Variants in UST observed in about 807,000 individuals in gnomAD.
The protein encoded by UST is uronyl 2-sulfotransferase, also known as chondroitin sulfate 2-O-sulfotransferase.
Under a neutral mutation model 45.6 loss-of-function variants are expected in UST, and 21 were observed. That is an observed-to-expected ratio of 0.46 (90% confidence interval 0.33 to 0.66). UST has a LOEUF of 0.66. UST is among the 30% of genes least tolerant of loss of function. The pLI is 0.02. For missense variants in UST, 463 were observed against 512.4 expected (o/e 0.90, Z 0.93); for synonymous variants, 215 against 200.6 (o/e 1.07, Z -0.61).
chr6:148,851,993 C>T (rs1055764137), intron 1 of UST, among the ~76,000 whole-genome samples: 2 of 152,048 alleles, frequency 1.3e-5, no homozygotes, highest in Non-Finnish European at 2.9e-5. Context: ...GACTTCTTAC[C>T]TTTGTTCAAA....
intron 5 of UST, among the ~76,000 whole-genome samples, chr6:148,977,607 C>A (rs1417504296): frequency 6.6e-6 from 1 of 152,010 alleles, no homozygotes; most frequent in Non-Finnish European, 1.5e-5. Flanking sequence ...AAAAAATTAG[C>A]CGGACGAGGT....
At chr6:149,016,338 C>T (rs1168495341) in intron 5 of UST, among the ~76,000 whole-genome samples, 4 of 152,220 alleles carry the variant, frequency 2.6e-5, no homozygotes, top group Non-Finnish European at 4.4e-5. Flanking sequence ...CCTCCGCCCT[C>T]CCCTCACCAG....
intron 4 of UST, among the ~76,000 whole-genome samples, chr6:148,956,396 T>A (rs900982475): frequency 2.6e-5 from 4 of 152,018 alleles, no homozygotes; most frequent in Non-Finnish European, 4.4e-5. Context: ...ATGAGGAAGA[T>A]GCAAAAGCGG....
chr6:148,839,140 A>G (rs1324922337), intron 1 of UST, among the ~76,000 whole-genome samples: 1 of 152,210 alleles, frequency 6.6e-6, no homozygotes, highest in Non-Finnish European at 1.5e-5. Flanking sequence ...ATTGTTTTGG[A>G]TTAGCCTCTT....
intron 3 of UST, among the ~76,000 whole-genome samples, chr6:148,942,906 A>G (rs1780156885): frequency 6.6e-6 from 1 of 152,220 alleles, no homozygotes; most frequent in Admixed American, 6.5e-5. Flanking sequence ...ATCATTACCA[A>G]TCAGCAAAAA....
chr6:148,871,582 C>T (rs1778561258), intron 1 of UST, among the ~76,000 whole-genome samples: 1 of 152,200 alleles, frequency 6.6e-6, no homozygotes, highest in South Asian at 2.1e-4. Flanking sequence ...TACTTCTTTT[C>T]AACAAACATG....
At chr6:149,012,658 T>G (rs1203103434) in intron 5 of UST, among the ~76,000 whole-genome samples, 5 of 152,334 alleles carry the variant, frequency 3.3e-5, no homozygotes, top group Admixed American at 2.6e-4. Flanking sequence ...CTATAAGAAG[T>G]CCAAAGTTCC....
In UST at chr6:148,918,035, A is replaced by T. The variant is rs140790443; in HGVS notation, c.292-23244A>T. 3.9e-3 allele frequency among the ~76,000 whole-genome samples: 600 copies of T among 152,330 alleles called. 2 individuals are homozygous for T. The highest frequency in any genetic ancestry group is 0.017 in the Middle Eastern group (5 of 294). ...CAAACCACATGTGCCATGCACCAGA[A>T]GGGGCATTGTTGTGACTGAGGCCGG... On this transcript the variant is annotated intron_variant, in intron 2 of 7. Coordinates refer to ENST00000367463, the MANE Select transcript of UST (RefSeq NM_005715.3).
intron 5 of UST, among the ~76,000 whole-genome samples, chr6:148,985,859 T>C (rs188706468): frequency 3.3e-4 from 50 of 152,324 alleles, no homozygotes; most frequent in Non-Finnish European, 4.9e-4. Context: ...AAGGGCTTCT[T>C]CAAGATGCAG....
chr6:148,801,742 GC>G, intron 1 of UST, among the ~76,000 whole-genome samples: 1 of 151,888 alleles, frequency 6.6e-6, no homozygotes, highest in East Asian at 1.9e-4. Context: ...TTTCTTTTTG[GC>G]CCCGGCATAT....
At chr6:148,947,653 T>C (rs535244066) in intron 3 of UST, among the ~76,000 whole-genome samples, 1 of 152,336 alleles carries the variant, frequency 6.6e-6, no homozygotes, top group Admixed American at 6.5e-5. Flanking sequence ...TGTCTCCTCA[T>C]GAGCCTCTCT....
At chr6:148,796,926 C>T (rs1200374446) in intron 1 of UST, among the ~76,000 whole-genome samples, 2 of 151,024 alleles carry the variant, frequency 1.3e-5, no homozygotes, top group African/African-American at 4.9e-5. Context: ...CCTCAGCCTC[C>T]CAAGAAGCTG....
At position 148,906,085 on chromosome 6, in the gene UST, A is replaced by G. The variant is rs551009591; in HGVS notation, c.291+19056A>G. Among the ~76,000 whole-genome samples, 6 of 148,700 alleles carry G rather than the reference A, an allele frequency of 4.0e-5. No homozygotes were observed. The South Asian group carries it at 6.2e-4, about 15-fold the overall frequency. On this transcript the variant is annotated intron_variant, in intron 2 of 7. Coordinates refer to ENST00000367463, the MANE Select transcript of UST (RefSeq NM_005715.3). Reference sequence around the variant, plus strand: ...GGTATCCAGAATGAACTTGTCAGTTACGTAAGCCCCATCCAGCATGATTCC... The same window carrying G: ...GGTATCCAGAATGAACTTGTCAGTTGCGTAAGCCCCATCCAGCATGATTCC...
chr6:148,877,660 CG>C (rs1778708625), intron 1 of UST, among the ~76,000 whole-genome samples: 1 of 35,950 alleles, frequency 2.8e-5, no homozygotes, highest in African/African-American at 1.3e-4. Context: ...TGTATGAGTG[CG>C]AGGGGTCATG....
intron 7 of UST, among the ~76,000 whole-genome samples, chr6:149,058,437 C>T (rs1377985841): frequency 6.6e-6 from 1 of 151,436 alleles, no homozygotes. Context: ...GAGAGAAGTA[C>T]CCTAGGCCTG....
chr6:148,982,536 T>C (rs530131004), intron 5 of UST, among the ~76,000 whole-genome samples: 4 of 152,294 alleles, frequency 2.6e-5, no homozygotes, highest in South Asian at 2.1e-4. Flanking sequence ...ATTGAAACCA[T>C]AGTAGGATGC....
intron 7 of UST, among the ~76,000 whole-genome samples, chr6:149,031,950 A>G (rs1272403421): frequency 1.3e-5 from 2 of 152,232 alleles, no homozygotes; most frequent in East Asian, 1.9e-4. Flanking sequence ...GAGGAAAATA[A>G]CATGATTGGA....
At chr6:149,037,919 G>A (rs769178153) in intron 7 of UST, among the ~76,000 whole-genome samples, 5 of 152,174 alleles carry the variant, frequency 3.3e-5, no homozygotes, top group Non-Finnish European at 7.4e-5. Flanking sequence ...CAGCCAGTGG[G>A]CAAGACCACT....
rs752769104 is a variant in UST at position 148,775,626 on chromosome 6, A to AT, written c.247+27962dup. ...TGATTGTAACTCTTTTTTTAATTAA[A>AT]TTTTTTTTTTTTTGGGGCGGGGAGA... On this transcript the variant is annotated intron_variant, in intron 1 of 7. Transcript: ENST00000367463. Among the ~76,000 whole-genome samples, 119 of 144,942 alleles carry AT rather than the reference A, an allele frequency of 8.2e-4. 1 individual carries two copies. The highest frequency in any genetic ancestry group is 7.7e-3 in the East Asian group (39 of 5,044).
Sources: allele counts gnomAD v4.1 joint callset (sites outside exome capture counted in the v4.1 genomes callset), GRCh38; gene constraint gnomAD v4.1.1; transcripts MANE v1.5; gene names NCBI Gene and HGNC (gene_info 2026-07-23, HGNC 2026-07-21).